The following NCAM2 variants were observed in gnomAD, a reference collection of about 807,000 sequenced individuals.
The protein encoded by NCAM2 is N-CAM-2.
In NCAM2, 30 loss-of-function variants were observed where a neutral mutation model predicts 98.1. The ratio of observed to expected loss-of-function variants is 0.31; its 90% confidence interval spans 0.23 to 0.41. NCAM2 has a LOEUF of 0.41. Among genes scored for constraint, NCAM2 ranks in the 10% least tolerant of loss-of-function variants. The pLI is 1.00. For synonymous variants in NCAM2, 368 were observed against 342.4 expected, an observed-to-expected ratio of 1.07 and a Z score of -0.83; for missense variants, 867 against 1,005.8, an observed-to-expected ratio of 0.86 and a Z score of 1.87.
chr21:21,210,655 C>A (rs747479347), intron 1 of NCAM2: 11 of 1,281,066 alleles, frequency 8.6e-6, no homozygotes, highest in Non-Finnish European at 1.0e-5. Flanking sequence ...AGCACTTTAT[C>A]TTGAAGAAGG....
chr21:21,237,788 G>C (rs2070892402), intron 1 of NCAM2, among the ~76,000 whole-genome samples: 1 of 151,816 alleles, frequency 6.6e-6, no homozygotes, highest in Admixed American at 6.6e-5. Context: ...ATATAGTATA[G>C]TTATGGTTTC....
intron 12 of NCAM2, among the ~76,000 whole-genome samples, chr21:21,454,689 C>T (rs920524421): frequency 6.6e-6 from 1 of 151,914 alleles, no homozygotes; most frequent in Non-Finnish European, 1.5e-5. Context: ...GGTTAAAAAA[C>T]ATATTCAAGA....
At chr21:21,507,067 T>C in intron 15 of NCAM2, among the ~76,000 whole-genome samples, 1 of 151,954 alleles carries the variant, frequency 6.6e-6, no homozygotes, top group East Asian at 1.9e-4. Context: ...GCTGTTTGCT[T>C]TTAGAATTAT....
intron 9 of NCAM2, among the ~76,000 whole-genome samples, chr21:21,395,890 G>T (rs893469016): frequency 6.6e-5 from 10 of 152,058 alleles, no homozygotes; most frequent in Admixed American, 1.3e-4. Flanking sequence ...TTAAATCTAA[G>T]TCCTGAAACC....
intron 1 of NCAM2, among the ~76,000 whole-genome samples, chr21:21,015,394 C>T (rs2146157950): frequency 6.6e-6 from 1 of 152,294 alleles, no homozygotes; most frequent in African/African-American, 2.4e-5. Flanking sequence ...AACCCCTACC[C>T]TGATCAGGAA....
At chr21:21,396,974 C>G (rs921158000) in intron 9 of NCAM2, among the ~76,000 whole-genome samples, 12 of 152,276 alleles carry the variant, frequency 7.9e-5, no homozygotes, top group African/African-American at 2.9e-4. Flanking sequence ...TTCTGCAGAT[C>G]CTGAGTTCTT....
intron 12 of NCAM2, among the ~76,000 whole-genome samples, chr21:21,439,039 CTG>C (rs1978830956): frequency 6.6e-6 from 1 of 151,970 alleles, no homozygotes; most frequent in Non-Finnish European, 1.5e-5. Context: ...AGAACTATGA[CTG>C]TGCCACTGAA....
intron 4 of NCAM2, 67 bp downstream of exon 4, chr21:21,286,479 C>G: frequency 2.0e-6 from 3 of 1,490,674 alleles, no homozygotes; most frequent in Admixed American, 2.0e-5. Flanking sequence ...AAATCTGAAT[C>G]TATGTGTCTA....
In NCAM2 at chr21:21,248,693, C is replaced by T. The variant is rs1034964830; in HGVS notation, c.56-31885C>T. ...TAGTGAGGCTGAGGCAGGAGAATGGCGTGAACCCGGGAGGTGGAGCTTGCA... is the reference window on the plus strand; with the variant it reads ...TAGTGAGGCTGAGGCAGGAGAATGGTGTGAACCCGGGAGGTGGAGCTTGCA... On this transcript the variant is annotated intron_variant, in intron 1 of 17. Coordinates refer to ENST00000400546, the MANE Select transcript of NCAM2 (RefSeq NM_004540.5). Among the ~76,000 whole-genome samples, 16 of 131,212 alleles carry T rather than the reference C, an allele frequency of 1.2e-4. No individual in the cohort carries two copies. In the East Asian group the frequency reaches 3.6e-3, roughly 29 times the overall value. The allele number at this position is 131,212 out of a possible 152,430, so 86.1% of individuals were successfully genotyped here.
chr21:21,125,931 T>C (rs529709057), intron 1 of NCAM2, among the ~76,000 whole-genome samples: 1 of 151,734 alleles, frequency 6.6e-6, no homozygotes, highest in East Asian at 1.9e-4. Flanking sequence ...CTTTCTTCAC[T>C]AGTGTATGTA....
chr21:21,234,618 G>C (rs1407168722), intron 1 of NCAM2, among the ~76,000 whole-genome samples: 1 of 151,888 alleles, frequency 6.6e-6, no homozygotes, highest in African/African-American at 2.4e-5. Context: ...TTTATTTAGT[G>C]AGGACTTTTC....
Position 21,236,540 on chromosome 21 carries a change from A to G in NCAM2, c.56-44038A>G, listed in dbSNP as rs145155587. 1.8e-3 allele frequency among the ~76,000 whole-genome samples: 276 copies of G among 151,902 alleles called. 1 individual carries two copies. Among genetic ancestry groups the G allele is most frequent in the African/African-American group, 6.5e-3 (269 of 41,560 alleles). On this transcript the variant is annotated intron_variant, in intron 1 of 17. Transcript: ENST00000400546. ...TTTAATCAAATTTGTGCAAATTATA[A>G]CATAAAAGAGTAGCTTCTTTTAAAA...
intron 1 of NCAM2, among the ~76,000 whole-genome samples, chr21:21,030,763 T>C (rs1363467329): frequency 6.6e-6 from 1 of 152,220 alleles, no homozygotes; most frequent in Non-Finnish European, 1.5e-5. Flanking sequence ...AAAGCGATGA[T>C]TCAGTATTAA....
At position 21,399,495 on chromosome 21, in the gene NCAM2, C is replaced by T. The variant is rs151311823; in HGVS notation, c.1196-10779C>T. On this transcript the variant is annotated intron_variant, in intron 9 of 17. Coordinates refer to ENST00000400546, the MANE Select transcript of NCAM2 (RefSeq NM_004540.5). ...TGAATGCTTTGAAGAGTATGTAGGA[C>T]ATAATCTACAATACAATCATAATAC... 7.9e-5 allele frequency among the ~76,000 whole-genome samples: 12 copies of T among 152,288 alleles called. No homozygotes were observed. In the East Asian group the frequency reaches 2.3e-3, roughly 29 times the overall value.
At chr21:21,326,872 T>TC (rs1432985115) in intron 6 of NCAM2, among the ~76,000 whole-genome samples, 1 of 268 alleles carries the variant, frequency 3.7e-3, no homozygotes, top group African/African-American at 0.019. Context: ...ACCTTGTATC[T>TC]GACATATAGA....
chr21:21,499,157 A>T (rs1987454458), intron 15 of NCAM2, among the ~76,000 whole-genome samples: 1 of 152,266 alleles, frequency 6.6e-6, no homozygotes, highest in African/African-American at 2.4e-5. Flanking sequence ...TTCTGGCCAC[A>T]GTAAAATGCG....
intron 1 of NCAM2, among the ~76,000 whole-genome samples, chr21:21,186,661 C>T (rs2068649692): frequency 6.6e-6 from 1 of 152,062 alleles, no homozygotes; most frequent in Non-Finnish European, 1.5e-5. Flanking sequence ...ATTATTTGGA[C>T]ATAAACATGA....
rs375115280 is a variant in NCAM2, at chr21:21,373,895, G to A, written c.1077G>A (p.Gln359=). 31 of 1,609,772 alleles carry A rather than the reference G, an allele frequency of 1.9e-5. 1 individual carries two copies. The highest frequency in any genetic ancestry group is 2.5e-5 in the Non-Finnish European group (29 of 1,177,654). ...SLDGRIEVKG[Q]HGSSSLHIKD... ...ACGGCCGTATCGAAGTCAAAGGGCA[G>A]CATGGAAGCTCATCACTGCATATTA... Residue 359 remains glutamine, a synonymous_variant, in exon 9 of 18, where the codon CAG becomes CAA. Transcript: ENST00000400546.
chr21:21,452,604 GTATA>G (rs1317907783), intron 12 of NCAM2, among the ~76,000 whole-genome samples: 3 of 105,022 alleles, frequency 2.9e-5, no homozygotes, highest in African/African-American at 1.1e-4. Context: ...GCATATAATT[GTATA>G]TATAGTATAA....
Sources: allele counts gnomAD v4.1 joint callset (sites outside exome capture counted in the v4.1 genomes callset), GRCh38; gene constraint gnomAD v4.1.1; transcripts MANE v1.5; gene names NCBI Gene and HGNC (gene_info 2026-07-23, HGNC 2026-07-21).